Variants in PSD3 observed in about 807,000 individuals in gnomAD.
The protein encoded by PSD3 is PH and SEC7 domain-containing protein 3.
Under a neutral mutation model 105.5 loss-of-function variants are expected in PSD3, and 49 were observed. The observed-to-expected ratio is 0.46, with a 90% CI of 0.37 to 0.59. The LOEUF (loss-of-function observed/expected upper bound fraction) is 0.59. PSD3 is among the 20% of genes least tolerant of loss of function. The pLI is 0.00. For synonymous variants in PSD3, 557 were observed against 457.8 expected (o/e 1.22, Z -2.77); for missense variants, 1,561 against 1,263.8 (o/e 1.24, Z -3.57).
intron 4 of PSD3, among the ~76,000 whole-genome samples, chr8:18,835,205 T>C (rs1814006445): frequency 6.6e-6 from 1 of 152,220 alleles, no homozygotes; most frequent in Non-Finnish European, 1.5e-5. Context: ...TCTAAGCATT[T>C]ATTTTAAGAA....
intron 11 of PSD3, among the ~76,000 whole-genome samples, chr8:18,612,251 C>G (rs1309534939): frequency 6.6e-6 from 1 of 152,166 alleles, no homozygotes; most frequent in African/African-American, 2.4e-5. Flanking sequence ...CAGATTCTTG[C>G]TTGAATAAAC....
chr8:18,910,197 T>C (rs972469260), intron 2 of PSD3, among the ~76,000 whole-genome samples: 19 of 151,276 alleles, frequency 1.3e-4, no homozygotes, highest in African/African-American at 3.9e-4. Context: ...CGTATGTTTA[T>C]TGCGGCACTA....
chr8:18,876,041 A>G (rs924273439), intron 2 of PSD3, among the ~76,000 whole-genome samples: 3 of 152,162 alleles, frequency 2.0e-5, no homozygotes, highest in African/African-American at 7.2e-5. Flanking sequence ...CAAGGTTGTC[A>G]GGTGTACTCA....
chr8:18,746,136 T>C (rs576641467), intron 9 of PSD3, among the ~76,000 whole-genome samples: 3 of 152,268 alleles, frequency 2.0e-5, no homozygotes, highest in African/African-American at 7.2e-5. Flanking sequence ...TCACGTATTT[T>C]ACATATACCC....
intron 11 of PSD3, among the ~76,000 whole-genome samples, chr8:18,623,768 TG>T (rs2130726483): frequency 6.6e-6 from 1 of 152,280 alleles, no homozygotes; most frequent in South Asian, 2.1e-4. Flanking sequence ...GTGAAACCAC[TG>T]GGTACTTGTC....
rs74897715 is a variant in PSD3, at chr8:18,745,012, A to G, written c.2172+20437T>C. 7.0e-3 allele frequency among the ~76,000 whole-genome samples: 1,061 copies of G among 152,332 alleles called. 16 individuals carry two copies. Among genetic ancestry groups the G allele is most frequent in the African/African-American group, 0.02 (812 of 41,580 alleles). On this transcript the variant is annotated intron_variant, in intron 9 of 15. Coordinates refer to ENST00000327040, the MANE Select transcript of PSD3 (RefSeq NM_015310.4). ...TACAATGAAGTTAGGCATTTTGGGA[A>G]AGAGAAGTGATGTTAAGTGATGTTA...
At chr8:18,562,944 C>A (rs1801494067) in intron 14 of PSD3, among the ~76,000 whole-genome samples, 2 of 150,438 alleles carry the variant, frequency 1.3e-5, no homozygotes, top group South Asian at 4.2e-4. Context: ...AAAACAAAAA[C>A]AAAACAAAAC....
Position 18,951,933 on chromosome 8 carries a change from C to G in PSD3, c.22-15791G>C, listed in dbSNP as rs138177483. On this transcript the variant is annotated intron_variant, in intron 1 of 15. Coordinates refer to ENST00000327040, the MANE Select transcript of PSD3 (RefSeq NM_015310.4). The stretch of plus-strand genomic sequence containing the variant: ...GCAGTGAGCCCAGATCACACCAGTG[C>G]ACCCCAGCCTGGGCAACAAGAGCAA... 4.7e-3 allele frequency among the ~76,000 whole-genome samples: 713 copies of G among 152,198 alleles called. 3 individuals are homozygous for G. The highest frequency in any genetic ancestry group is 6.6e-3 in the Non-Finnish European group (446 of 67,988).
chr8:18,604,962 A>C (rs1804710206), intron 11 of PSD3, among the ~76,000 whole-genome samples: 1 of 152,228 alleles, frequency 6.6e-6, no homozygotes, highest in African/African-American at 2.4e-5. Flanking sequence ...GTCTGGATGT[A>C]CAGGCAGAAG....
chr8:18,836,950 G>T (rs1441374392), intron 4 of PSD3, among the ~76,000 whole-genome samples: 2 of 149,284 alleles, frequency 1.3e-5, no homozygotes, highest in Non-Finnish European at 3.0e-5. Flanking sequence ...AGTTTCTTAC[G>T]TGTTTTTTTT....
intron 8 of PSD3, among the ~76,000 whole-genome samples, chr8:18,776,225 A>G (rs569024955): frequency 3.0e-4 from 45 of 149,266 alleles, no homozygotes; most frequent in African/African-American, 1.1e-3. Flanking sequence ...TGCCAGTACC[A>G]TACTATATTG....
At chr8:18,719,818 T>G (rs1045759104) in intron 9 of PSD3, among the ~76,000 whole-genome samples, 2 of 152,226 alleles carry the variant, frequency 1.3e-5, no homozygotes, top group Admixed American at 6.5e-5. Context: ...TGTAGGAATA[T>G]AGCATATATC....
intron 1 of PSD3, chr8:19,000,466 T>C (rs6981114): frequency 0.69 from 102,794 of 149,128 alleles, 35,864 homozygotes; most frequent in East Asian, 0.91. Context: ...TCTCTGAGAC[T>C]GCTACATCAC....
chr8:18,613,175 A>T (rs570343497), intron 11 of PSD3, among the ~76,000 whole-genome samples: 1 of 152,224 alleles, frequency 6.6e-6, no homozygotes, highest in South Asian at 2.1e-4. Flanking sequence ...CCTGCCCCCA[A>T]CACCTGACGA....
At chr8:18,732,221 A>G (rs1460934976) in intron 9 of PSD3, among the ~76,000 whole-genome samples, 1 of 152,200 alleles carries the variant, frequency 6.6e-6, no homozygotes, top group Non-Finnish European at 1.5e-5. Flanking sequence ...TAGCGACTGA[A>G]GAATGCCTAA....
At chr8:18,582,614 G>C (rs1165160785) in intron 12 of PSD3, among the ~76,000 whole-genome samples, 1 of 151,998 alleles carries the variant, frequency 6.6e-6, no homozygotes, top group Non-Finnish European at 1.5e-5. Context: ...ATTGGCTCCA[G>C]ATCAAAGTAT....
intron 4 of PSD3, among the ~76,000 whole-genome samples, chr8:18,844,842 C>T (rs1248637152): frequency 6.6e-6 from 1 of 152,170 alleles, no homozygotes; most frequent in Non-Finnish European, 1.5e-5. Context: ...CTCTGCATAG[C>T]ATTTACTTTG....
chr8:18,563,730 C>G (rs1383593134), intron 14 of PSD3, among the ~76,000 whole-genome samples: 1 of 152,008 alleles, frequency 6.6e-6, no homozygotes, highest in African/African-American at 2.4e-5. Flanking sequence ...AAAAATCTAT[C>G]CATTCAGGAA....
chr8:18,991,423 T>C (rs13267824), intron 1 of PSD3, among the ~76,000 whole-genome samples: 86,953 of 150,296 alleles, frequency 0.58, 25,425 homozygotes, highest in African/African-American at 0.66. Flanking sequence ...CCTGGGGAGG[T>C]TTCACAGTAC....
Sources: allele counts gnomAD v4.1 joint callset (sites outside exome capture counted in the v4.1 genomes callset), GRCh38; gene constraint gnomAD v4.1.1; transcripts MANE v1.5; gene names NCBI Gene and HGNC (gene_info 2026-07-23, HGNC 2026-07-21).